Variants in ANXA4 observed in about 807,000 individuals in gnomAD.
The protein encoded by ANXA4 is 35-beta calcimedin.
In ANXA4, 39 loss-of-function variants were observed where a neutral mutation model predicts 49.8. The ratio of observed to expected loss-of-function variants is 0.78; its 90% CI spans 0.61 to 1.02. ANXA4 has a LOEUF of 1.02. Among genes scored for constraint, ANXA4 ranks in the 50% least tolerant of loss-of-function variants. The pLI is 0.00. For missense variants in ANXA4, 360 were observed against 410.1 expected (o/e 0.88, Z 1.05); for synonymous variants, 134 against 152.5 (o/e 0.88, Z 0.89).
At chr2:69,694,730 G>T (rs72901408) in intron 2 of ANXA4, among the ~76,000 whole-genome samples, 249 of 151,866 alleles carry the variant, frequency 1.6e-3, no homozygotes, top group African/African-American at 5.9e-3. Flanking sequence ...AGCTCAGATG[G>T]ACTAAGACAC....
chr2:69,644,656 A>C (rs1246836972), exon 1 of ANXA4: 5 of 152,200 alleles, frequency 3.3e-5, no homozygotes, highest in Admixed American at 2.6e-4. Context: ...CTTGACCTCA[A>C]AACTCGGGGG....
chr2:69,673,933 T>G (rs1330686559), intron 2 of ANXA4: 1 of 152,198 alleles, frequency 6.6e-6, no homozygotes, highest in East Asian at 1.9e-4. Context: ...TTGATGTTCC[T>G]TACCCTACAC....
At chr2:69,665,821 T>C (rs1169520661) in intron 2 of ANXA4, among the ~76,000 whole-genome samples, 2 of 152,178 alleles carry the variant, frequency 1.3e-5, no homozygotes, top group African/African-American at 4.8e-5. Flanking sequence ...GGAAAGCATG[T>C]GCAAGCATAT....
intron 2 of ANXA4, among the ~76,000 whole-genome samples, chr2:69,663,318 TTTTTTTTTTG>T (rs1356125647): frequency 4.3e-5 from 5 of 116,324 alleles, no homozygotes; most frequent in African/African-American, 1.5e-4. Context: ...TTTTTTTTTT[TTTTTTTTTTG>T]CTAAATATAG....
intron 2 of ANXA4, among the ~76,000 whole-genome samples, chr2:69,783,462 G>A (rs560616109): frequency 7.9e-5 from 12 of 152,062 alleles, no homozygotes; most frequent in African/African-American, 1.7e-4. Context: ...TGATCTGCCC[G>A]CCTCGGCCTC....
intron 2 of ANXA4, among the ~76,000 whole-genome samples, chr2:69,701,850 A>C (rs1678338981): frequency 6.6e-6 from 1 of 151,566 alleles, no homozygotes; most frequent in African/African-American, 2.4e-5. Context: ...TGATATCTTT[A>C]CCCATTGTTT....
intron 2 of ANXA4, among the ~76,000 whole-genome samples, chr2:69,718,960 G>A (rs1669742162): frequency 6.6e-6 from 1 of 150,966 alleles, no homozygotes; most frequent in Non-Finnish European, 1.5e-5. Context: ...GATATTCCAA[G>A]TCTCAAGCTA....
intron 3 of ANXA4, among the ~76,000 whole-genome samples, chr2:69,723,232 G>A (rs967724876): frequency 1.3e-5 from 2 of 149,700 alleles, no homozygotes; most frequent in Admixed American, 6.7e-5. Flanking sequence ...AAAGATAAGA[G>A]CAAACACCAA....
chr2:69,654,560 T>C (rs1336425211), intron 2 of ANXA4, among the ~76,000 whole-genome samples: 1 of 152,258 alleles, frequency 6.6e-6, no homozygotes, highest in African/African-American at 2.4e-5. Flanking sequence ...TTTTTGTCAT[T>C]GGTTCTGTTT....
At position 69,812,683 on chromosome 2, in the gene ANXA4, G is replaced by A. The variant is rs1363015915; in HGVS notation, c.508G>A (p.Asp170Asn). ...GGRDEGNYLD[D>N]ALVRQDAQDL... is the part of the protein sequence containing the mutation. ...GAGGGATGAAGGAAATTATCTGGACGATGCTCTCGTGAGACAGGATGCCCA... is the reference window on the plus strand; with the variant it reads ...GAGGGATGAAGGAAATTATCTGGACAATGCTCTCGTGAGACAGGATGCCCA... The change falls in exon 8 of 13, where the codon GAT becomes AAT. Residue 170 changes from aspartate (D) to asparagine (N), a missense_variant. Asp to Asn is a conservative substitution (Grantham distance 23). Coordinates refer to ENST00000394295, the MANE Select transcript of ANXA4 (RefSeq NM_001153.5). 7.4e-6 allele frequency: 12 copies of A among 1,613,958 alleles called. No homozygotes were observed. Among genetic ancestry groups the A allele is most frequent in the South Asian group, 2.2e-5 (2 of 91,080 alleles).
chr2:69,648,889 T>TC (rs2105297387), intron 1 of ANXA4, among the ~76,000 whole-genome samples: 1 of 121,684 alleles, frequency 8.2e-6, no homozygotes, highest in East Asian at 2.8e-4. Flanking sequence ...CTTTCTTTTC[T>TC]TTTTTTTTTT....
At position 69,807,671 on chromosome 2, in the gene ANXA4, G is replaced by A. The variant is rs62134002; in HGVS notation, c.307-235G>A. 2.2e-4 allele frequency among the ~76,000 whole-genome samples: 33 copies of A among 152,258 alleles called. No homozygotes were observed. In the East Asian group the frequency reaches 3.1e-3, roughly 14 times the overall value. On this transcript the variant is annotated intron_variant, in intron 5 of 12. Coordinates refer to ENST00000394295, the MANE Select transcript of ANXA4 (RefSeq NM_001153.5). ...CAGAGGGCAGAAACCATACCTACCCGGGCACAGTAACGAACACATAATAAA... is the reference window on the plus strand; with the variant it reads ...CAGAGGGCAGAAACCATACCTACCCAGGCACAGTAACGAACACATAATAAA...
At chr2:69,816,401 AAAGTGC>A (rs1370616800) in intron 9 of ANXA4, 2 of 485,160 alleles carry the variant, frequency 4.1e-6, no homozygotes, top group African/African-American at 3.9e-5. Flanking sequence ...ATAATTAGAA[AAAGTGC>A]ATGTAGTCAT....
intron 2 of ANXA4, among the ~76,000 whole-genome samples, chr2:69,688,929 G>A (rs1401003727): frequency 6.6e-6 from 1 of 152,160 alleles, no homozygotes; most frequent in Non-Finnish European, 1.5e-5. Context: ...GAAATTTAGA[G>A]ACCAAACTCT....
intron 3 of ANXA4, among the ~76,000 whole-genome samples, chr2:69,723,265 A>G (rs985776260): frequency 1.3e-5 from 2 of 151,984 alleles, no homozygotes; most frequent in African/African-American, 4.8e-5. Context: ...CAAAGAAACA[A>G]TAAGCTGATT....
chr2:69,712,424 A>G (rs1678706048), intron 2 of ANXA4, among the ~76,000 whole-genome samples: 1 of 152,202 alleles, frequency 6.6e-6, no homozygotes, highest in African/African-American at 2.4e-5. Context: ...AATAGCTTTA[A>G]TAGCCCTATT....
At chr2:69,819,140 A>G (rs904516361) in intron 10 of ANXA4, 140 bp from the exon 11 acceptor site, 13 of 608,696 alleles carry the variant, frequency 2.1e-5, no homozygotes, top group Non-Finnish European at 3.4e-5. Context: ...GCCTATGTTC[A>G]TGAAACATTG....
In ANXA4 at chr2:69,765,858, C is replaced by G. The variant is rs139806644; in HGVS notation, c.-46-15662C>G. Among the ~76,000 whole-genome samples the G allele has an allele frequency of 3.6e-3, 552 of 152,264 alleles. 4 individuals are homozygous for G. The highest frequency in any genetic ancestry group is 0.013 in the African/African-American group (527 of 41,546). Reference sequence around the variant, plus strand: ...GCTGAGGAAGCAGGAGAGGGCCCTTCCTAGCAATGAGGCCTTCAGGAAGCC... The same window carrying G: ...GCTGAGGAAGCAGGAGAGGGCCCTTGCTAGCAATGAGGCCTTCAGGAAGCC... On this transcript the variant is annotated intron_variant, in intron 1 of 12. Coordinates refer to ENST00000394295, the MANE Select transcript of ANXA4 (RefSeq NM_001153.5).
intron 3 of ANXA4, among the ~76,000 whole-genome samples, chr2:69,793,789 C>A (rs1672799826): frequency 6.6e-6 from 1 of 151,842 alleles, no homozygotes; most frequent in Non-Finnish European, 1.5e-5. Context: ...GAGTCCCAGG[C>A]CACCGGAAGC....
Sources: gnomAD v4.1 joint callset for allele counts (sites outside exome capture counted in the v4.1 genomes callset) on GRCh38, gnomAD v4.1.1 for gene constraint, MANE v1.5 for transcripts, NCBI Gene and HGNC (gene_info 2026-07-23, HGNC 2026-07-21) for gene names.